Variants in EIF4A3 observed in about 807,000 individuals in gnomAD.
The protein encoded by EIF4A3 is eukaryotic initiation factor 4A-III.
Under a neutral mutation model 55.6 loss-of-function variants are expected in EIF4A3, and 1 was observed. The ratio of observed to expected loss-of-function variants is 0.02; its 90% CI spans 0.01 to 0.09. The LOEUF (loss-of-function observed/expected upper bound fraction) is 0.09, where lower values mean the gene tolerates loss of function less well. Ranked by LOEUF, EIF4A3 falls within the 10% of genes least tolerant of loss-of-function variation. The probability of loss-of-function intolerance (pLI) is 1.00; values close to 1 mark genes in which losing one functional copy is unlikely to be tolerated. For synonymous variants in EIF4A3, 194 were observed against 196.3 expected (o/e 0.99, Z 0.10); for missense variants, 221 against 540.7 (o/e 0.41, Z 5.86).
intron 4 of EIF4A3, 141 bp downstream of exon 4, chr17:80,141,178 T>G: frequency 2.4e-6 from 2 of 820,856 alleles, no homozygotes; most frequent in Non-Finnish European, 3.7e-6. Flanking sequence ...TATATAATGA[T>G]TAATGGCAAA....
chr17:80,142,631 G>A (rs1005196472), intron 2 of EIF4A3, among the ~76,000 whole-genome samples: 11 of 152,210 alleles, frequency 7.2e-5, no homozygotes, highest in Admixed American at 7.2e-4. Context: ...GGCAGTCCCA[G>A]CTACTTGGGA....
At chr17:80,138,116 C>A in intron 8 of EIF4A3, 26 bp downstream of exon 8, 1 of 1,606,600 alleles carries the variant, frequency 6.2e-7, no homozygotes, top group Non-Finnish European at 8.5e-7. Context: ...CCCTTCAGCA[C>A]ATGGATGCTG....
At chr17:80,144,984 G>A (rs114700882) in intron 1 of EIF4A3, among the ~76,000 whole-genome samples, 1,912 of 152,322 alleles carry the variant, frequency 0.013, 39 homozygotes, top group African/African-American at 0.044. Context: ...TCTCTTAAAT[G>A]TAGCTCTGCT....
At chr17:80,135,856 C>T in intron 11 of EIF4A3, 148 bp downstream of exon 11, 3 of 1,079,450 alleles carry the variant, frequency 2.8e-6, no homozygotes, top group Non-Finnish European at 4.0e-6. Flanking sequence ...AATCGCGCCA[C>T]TGCACTCCAG....
intron 2 of EIF4A3, 58 bp downstream of exon 2, chr17:80,144,114 C>G (rs1388546212): frequency 2.2e-5 from 33 of 1,528,736 alleles, no homozygotes; most frequent in Non-Finnish European, 5.4e-6. Flanking sequence ...GAGCATCTAA[C>G]TGCACTGCGC....
intron 4 of EIF4A3, chr17:80,140,399 C>T (rs931631543): frequency 8.4e-5 from 25 of 296,326 alleles, no homozygotes; most frequent in African/African-American, 4.0e-4. Flanking sequence ...CTGCAAGCTC[C>T]GCCTCCAGGG....
intron 7 of EIF4A3, chr17:80,138,493 C>G (rs1278493908): frequency 1.8e-6 from 1 of 553,896 alleles, no homozygotes; most frequent in Non-Finnish European, 3.2e-6. Context: ...ACAATGTGCA[C>G]CACATGGAAT....
At chr17:80,137,864 G>A (rs974990377) in intron 8 of EIF4A3, among the ~76,000 whole-genome samples, 1 of 152,072 alleles carries the variant, frequency 6.6e-6, no homozygotes, top group African/African-American at 2.4e-5. Flanking sequence ...ATCACCTGGG[G>A]ATCTAAAACT....
intron 11 of EIF4A3, 126 bp downstream of exon 11, chr17:80,135,878 G>A: frequency 7.6e-7 from 1 of 1,320,304 alleles, no homozygotes; most frequent in Non-Finnish European, 1.0e-6. Flanking sequence ...CTGGGTGACA[G>A]AGCGAAACTT....
In EIF4A3 at chr17:80,146,661, G is replaced by A. The variant is rs563784023; in HGVS notation, c.169+132C>T. ...GTGGGGGTGGGGGTCGGACGTCACT[G>A]GCCCCCGAGCCTCGACCCTGACCAC... On this transcript the variant is annotated intron_variant, in intron 1 of 11. Coordinates refer to ENST00000649764, the MANE Select transcript of EIF4A3 (RefSeq NM_014740.4). 1.6e-4 allele frequency: 179 copies of A among 1,112,988 alleles called. No homozygotes were observed. In the African/African-American group the frequency reaches 2.6e-3, roughly 16 times the overall value. The allele number at this position is 1,112,988 out of a possible 1,614,324, so 68.9% of individuals were successfully genotyped here.
intron 9 of EIF4A3, chr17:80,136,666 A>T (rs947204499): frequency 2.2e-5 from 6 of 276,244 alleles, no homozygotes; most frequent in African/African-American, 1.3e-4. Context: ...GCAAAAAATT[A>T]AAAACGGTAA....
intron 1 of EIF4A3, among the ~76,000 whole-genome samples, 195 bp from the exon 2 acceptor site, chr17:80,144,439 A>G (rs904074035): frequency 1.3e-5 from 2 of 151,818 alleles, no homozygotes; most frequent in Non-Finnish European, 2.9e-5. Flanking sequence ...AACGTGGGAT[A>G]TTATTTGTAA....
Position 80,146,847 on chromosome 17 carries a change from T to C in EIF4A3, c.115A>G (p.Thr39Ala), listed in dbSNP as rs2039669022. ...TCCCGCAGGCCCATGGTGTCGAACGTGGGGGTCACATCCACCTCCTCGCTG... is the reference window on the plus strand; with the variant it reads ...TCCCGCAGGCCCATGGTGTCGAACGCGGGGGTCACATCCACCTCCTCGCTG... ...ETSEEVDVTP[T>A]FDTMGLREDL... is the part of the protein sequence containing the mutation. The change falls in exon 1 of 12, where the codon ACG (threonine) becomes GCG (alanine). Residue 39 changes from threonine (T) to alanine (A), a missense_variant. By Grantham distance (58) the Thr-to-Ala change is moderately conservative. Coordinates refer to ENST00000649764, the MANE Select transcript of EIF4A3 (RefSeq NM_014740.4). 1 of 1,611,640 alleles carries C rather than the reference T, an allele frequency of 6.2e-7. No individual in the cohort carries two copies. The highest frequency in any genetic ancestry group is 8.5e-7 in the Non-Finnish European group (1 of 1,179,218).
In EIF4A3 at chr17:80,139,142, C is replaced by T. The variant is rs1173648982; in HGVS notation, c.607G>A (p.Asp203Asn). The T allele has an allele frequency of 1.2e-6, 2 of 1,613,872 alleles. No individual in the cohort carries two copies. Among genetic ancestry groups the T allele is most frequent in the South Asian group, 1.1e-5 (1 of 91,060 alleles). Residue 203 changes from aspartate (D) to asparagine (N), a missense_variant, in exon 7 of 12, where the codon GAT becomes AAT. Asp to Asn is a conservative substitution (Grantham distance 23). Coordinates refer to ENST00000649764, the MANE Select transcript of EIF4A3 (RefSeq NM_014740.4). ...LNKGFKEQIY[D>N]VYRYLPPATQ... ...GCTGGAGGCAGGTACCTGTATACATCGTAAATCTGCTCTTTGAAACCTGGG... is the reference window on the plus strand; with the variant it reads ...GCTGGAGGCAGGTACCTGTATACATTGTAAATCTGCTCTTTGAAACCTGGG...
chr17:80,146,787 G>T lies in EIF4A3; in HGVS notation c.169+6C>A. On this transcript the variant is annotated splice_donor_region_variant and intron_variant, in intron 1 of 11. Transcript: ENST00000649764. ...CGGCTGGCCCCCGCGGCCCGCGCCC[G>T]CTCACCGTAAGCGTAGATGCCCCGC... is the stretch of plus-strand genomic sequence containing the variant. 1 of 1,604,030 alleles carries T rather than the reference G, an allele frequency of 6.2e-7. No individual in the cohort carries two copies. The highest frequency in any genetic ancestry group is 8.5e-7 in the Non-Finnish European group (1 of 1,178,078).
At position 80,139,752 on chromosome 17, in the gene EIF4A3, T is replaced by TGGAGTGCCCGCA. The variant is rs1423101114; in HGVS notation, c.506-3_506-2insTGCGGGCACTCC. On this transcript the variant is annotated splice_polypyrimidine_tract_variant and splice_region_variant and intron_variant, in intron 5 of 11. Transcript: ENST00000649764. ...TTAGGCTTCTGCGACGAATCATATC[T>TGGAGTGCCCGCA]ATAACATGAGATTTTGAAATACTTA... The TGGAGTGCCCGCA allele has an allele frequency of 6.2e-7, 1 of 1,612,426 alleles. No individual in the cohort carries two copies. Among genetic ancestry groups the TGGAGTGCCCGCA allele is most frequent in the South Asian group, 1.1e-5 (1 of 90,578 alleles).
At chr17:80,139,839 A>C in intron 5 of EIF4A3, 89 bp from the exon 6 acceptor site, 1 of 1,504,156 alleles carries the variant, frequency 6.6e-7, no homozygotes, top group South Asian at 1.2e-5. Context: ...GAAAGAGCTC[A>C]TCATTCCACT....
At chr17:80,137,981 G>A (rs767330769) in intron 8 of EIF4A3, among the ~76,000 whole-genome samples, 161 bp downstream of exon 8, 6 of 152,138 alleles carry the variant, frequency 3.9e-5, no homozygotes, top group African/African-American at 1.2e-4. Context: ...ACGTCTGACC[G>A]TTTGCATATT....
intron 1 of EIF4A3, 37 bp downstream of exon 1, chr17:80,146,756 C>CGCCCCCGGCTG (rs765077913): frequency 8.4e-5 from 133 of 1,591,528 alleles, no homozygotes; most frequent in Non-Finnish European, 1.1e-4. Context: ...GCCCCCGACT[C>CGCCCCCGGCTG]GCCCCCGGCT....
Sources: allele counts gnomAD v4.1 joint callset (sites outside exome capture counted in the v4.1 genomes callset), GRCh38; gene constraint gnomAD v4.1.1; transcripts MANE v1.5; gene names NCBI Gene and HGNC (gene_info 2026-07-23, HGNC 2026-07-21).